The following FRMD6 variants were observed in gnomAD, a reference collection of about 807,000 sequenced individuals.
FRMD6 encodes FERM domain-containing protein 6.
FRMD6 carries 37 observed loss-of-function variants against 73.2 expected under a neutral mutation model. The observed-to-expected ratio is 0.51, with a 90% confidence interval of 0.39 to 0.66. The LOEUF is 0.66. Ranked by LOEUF, FRMD6 falls within the 30% of genes least tolerant of loss-of-function variation. FRMD6 has a pLI of 0.00. For synonymous variants in FRMD6, 273 were observed against 282.2 expected, an observed-to-expected ratio of 0.97 and a Z score of 0.33; for missense variants, 714 against 780.5, an observed-to-expected ratio of 0.91 and a Z score of 1.02.
At chr14:51,704,133 C>CA (rs1381750009) in intron 5 of FRMD6, among the ~76,000 whole-genome samples, 2 of 151,972 alleles carry the variant, frequency 1.3e-5, no homozygotes, top group East Asian at 1.9e-4. Flanking sequence ...ACATTCACTT[C>CA]AAAAAAATCC....
the FRMD6 span, among the ~76,000 whole-genome samples, chr14:51,483,091 GT>G: frequency 6.6e-6 from 1 of 152,094 alleles, no homozygotes; most frequent in African/African-American, 2.4e-5. Flanking sequence ...TTGCTTAGTT[GT>G]GTACTGGAAT....
intron 1 of FRMD6, chr14:51,546,615 G>A (rs1886488943): frequency 7.1e-6 from 1 of 141,380 alleles, no homozygotes; most frequent in Non-Finnish European, 1.5e-5. Context: ...AACCTGTGGT[G>A]TTATTACACT....
rs75635698 is a variant in FRMD6 at position 51,730,167 on chromosome 14, T to G, written c.*2138T>G. 1 of 152,196 alleles carries G rather than the reference T, an allele frequency of 6.6e-6. No individual in the cohort carries two copies. The highest frequency in any genetic ancestry group is 1.9e-4 in the East Asian group (1 of 5,200). 9.4% of individuals were successfully genotyped at this position (152,196 alleles called of 1,614,324 possible). ...AAAGAAAGATAAAGAAAAAACATAT[T>G]TAATTACTGTAAACAGGTACTGCTT... On this transcript the variant is annotated 3_prime_UTR_variant, in exon 14 of 14. Transcript: ENST00000344768.
intron 10 of FRMD6, among the ~76,000 whole-genome samples, chr14:51,716,568 C>G (rs1897253305): frequency 6.6e-6 from 1 of 152,176 alleles, no homozygotes; most frequent in Non-Finnish European, 1.5e-5. Flanking sequence ...GTTTGTGCTT[C>G]TGATAGATTT....
intron 1 of FRMD6, among the ~76,000 whole-genome samples, chr14:51,519,924 C>T (rs1432142050): frequency 6.6e-6 from 1 of 152,166 alleles, no homozygotes; most frequent in Non-Finnish European, 1.5e-5. Flanking sequence ...AAGAGACATT[C>T]ACTCCACGCA....
upstream of FRMD6, among the ~76,000 whole-genome samples, chr14:51,487,636 G>A (rs1409250560): frequency 2.6e-5 from 4 of 152,280 alleles, no homozygotes; most frequent in Non-Finnish European, 2.9e-5. Flanking sequence ...TTTCACCTTT[G>A]CGCATTATTT....
At chr14:51,632,143 C>G (rs60633140) in intron 2 of FRMD6, among the ~76,000 whole-genome samples, 1 of 152,184 alleles carries the variant, frequency 6.6e-6, no homozygotes, top group East Asian at 1.9e-4. Context: ...TCATGCTTCT[C>G]CTTTCTGCCA....
At chr14:51,416,320 T>A in the FRMD6 span, among the ~76,000 whole-genome samples, 1 of 152,248 alleles carries the variant, frequency 6.6e-6, no homozygotes, top group Non-Finnish European at 1.5e-5. Flanking sequence ...ACACACTGCT[T>A]TAAATGTGTA....
chr14:51,676,749 G>C (rs1894418707), intron 1 of FRMD6, among the ~76,000 whole-genome samples: 1 of 152,064 alleles, frequency 6.6e-6, no homozygotes, highest in Non-Finnish European at 1.5e-5. Flanking sequence ...TCACTACCAA[G>C]TTATGAAAAA....
rs1327141676 is a variant in FRMD6, at chr14:51,689,943, G to A, written c.99+8G>A. 6.4e-7 allele frequency: 1 copy of A among 1,555,762 alleles called. No homozygotes were observed. The highest frequency in any genetic ancestry group is 8.9e-7 in the Non-Finnish European group (1 of 1,126,722). On this transcript the variant is annotated splice_region_variant and intron_variant, in intron 2 of 13. Coordinates refer to ENST00000344768, the MANE Select transcript of FRMD6 (RefSeq NM_001267046.2). ...CTGAACATCATCATAAATGTGAGTAGATCCAGTTTTAGAAATGTCTAAATA... is the reference window on the plus strand; with the variant it reads ...CTGAACATCATCATAAATGTGAGTAAATCCAGTTTTAGAAATGTCTAAATA...
rs144622233 is a variant in FRMD6, at chr14:51,587,824, A to C, written c.-147+17414A>C. Among the ~76,000 whole-genome samples, 39 of 152,330 alleles carry C rather than the reference A, an allele frequency of 2.6e-4. No individual in the cohort carries two copies. The East Asian group carries it at 5.0e-3, about 20-fold the overall frequency. ...AAGAAGAAACAAGTGGTCCCTGTCC[A>C]TGAAAGTAACCTTGAGGGTCCTTCC... On this transcript the variant is annotated intron_variant, in intron 2 of 14. Coordinates refer to the FRMD6 transcript ENST00000356218.
the FRMD6 span, among the ~76,000 whole-genome samples, chr14:51,480,538 A>G: frequency 1.3e-5 from 2 of 152,022 alleles, no homozygotes; most frequent in South Asian, 2.1e-4. Flanking sequence ...GGAATCATCT[A>G]TTTGCCTAAA....
upstream of FRMD6, among the ~76,000 whole-genome samples, chr14:51,648,684 T>C (rs753540247): frequency 5.3e-4 from 80 of 152,338 alleles, no homozygotes; most frequent in Middle Eastern, 3.4e-3. Context: ...ATGAACTAAC[T>C]ATGTTGTAAC....
At chr14:51,646,553 A>C (rs1892084533) in intron 2 of FRMD6, among the ~76,000 whole-genome samples, 1 of 151,642 alleles carries the variant, frequency 6.6e-6, no homozygotes, top group African/African-American at 2.4e-5. Context: ...ACTCTGGGGT[A>C]AGCTTTTTTT....
chr14:51,695,008 T>C (rs1895850182), intron 2 of FRMD6, among the ~76,000 whole-genome samples: 1 of 151,954 alleles, frequency 6.6e-6, no homozygotes. Context: ...TGATTTAAAC[T>C]AGCAGAACAA....
At chr14:51,650,611 G>A (rs1445329119), upstream of FRMD6, 1 of 150,932 alleles carries the variant, frequency 6.6e-6, no homozygotes, top group African/African-American at 2.4e-5. Context: ...TAGCCGGGAT[G>A]GTCTCGATCT....
In FRMD6 at chr14:51,728,026, G is replaced by A. The variant is rs752384439; in HGVS notation, c.1866G>A (p.Val622=). The part of the protein sequence containing the change: ...LTHDEVPEFV[V] ...ATGATGAAGTTCCAGAGTTTGTTGT[G>A]TAAAGTCCGTCTGTGTGCAGCTGTA... The change falls in exon 14 of 14, where the codon GTG becomes GTA. Residue 622 remains valine, a synonymous_variant. Transcript: ENST00000344768. 1 of 1,605,230 alleles carries A rather than the reference G, an allele frequency of 6.2e-7. No individual in the cohort carries two copies. Among genetic ancestry groups the A allele is most frequent in the Non-Finnish European group, 8.5e-7 (1 of 1,173,104 alleles).
intron 2 of FRMD6, among the ~76,000 whole-genome samples, chr14:51,600,389 C>T (rs1351329674): frequency 6.6e-6 from 1 of 152,134 alleles, no homozygotes; most frequent in African/African-American, 2.4e-5. Context: ...ATCCATGTGA[C>T]CCTAGCAGAG....
chr14:51,411,099 C>T, the FRMD6 span, among the ~76,000 whole-genome samples: 1 of 152,164 alleles, frequency 6.6e-6, no homozygotes, highest in African/African-American at 2.4e-5. Flanking sequence ...TCCCTCCTAT[C>T]CTCAGTCATT....
Sources: gnomAD v4.1 joint callset for allele counts (sites outside exome capture counted in the v4.1 genomes callset) on GRCh38, gnomAD v4.1.1 for gene constraint, MANE v1.5 for transcripts, NCBI Gene and HGNC (gene_info 2026-07-23, HGNC 2026-07-21) for gene names.